The following RAPGEF1 variants were observed in gnomAD, a reference collection of about 807,000 sequenced individuals.
RAPGEF1 encodes the protein CRK SH3-binding GNRP.
Under a neutral mutation model 143.3 loss-of-function variants are expected in RAPGEF1, and 33 were observed. That is an observed-to-expected ratio of 0.23 (90% confidence interval 0.17 to 0.31). The LOEUF (loss-of-function observed/expected upper bound fraction) is 0.31. Among genes scored for constraint, RAPGEF1 ranks in the 10% least tolerant of loss-of-function variants. RAPGEF1 has a pLI of 1.00. For missense variants in RAPGEF1, 1,199 were observed against 1,645.4 expected (o/e 0.73, Z 4.69); for synonymous variants, 629 against 676.5 (o/e 0.93, Z 1.09).
At chr9:131,737,052 G>A (rs1002159798) in intron 1 of RAPGEF1, among the ~76,000 whole-genome samples, 1 of 152,112 alleles carries the variant, frequency 6.6e-6, no homozygotes, top group African/African-American at 2.4e-5. Context: ...CTCCAGGCGC[G>A]CCCCAGTCTT....
At position 131,650,290 on chromosome 9, in the gene RAPGEF1, T is replaced by G. The variant is rs1380828229; in HGVS notation, c.202-48A>C. The G allele has an allele frequency of 2.7e-6, 4 of 1,455,772 alleles. No homozygotes were observed. The African/African-American group carries it at 5.6e-5, about 20-fold the overall frequency. The allele number at this position is 1,455,772 out of a possible 1,614,324, so 90.2% of individuals were successfully genotyped here. A position where few individuals can be genotyped will look rare whatever the true frequency, so the allele number is the denominator to read the frequency against. ...TCCTACAGAGTTTGAAATGGCTGTT[T>G]GAGGCCGAAGGGAGGGGTTGATGAA... On this transcript the variant is annotated intron_variant, in intron 2 of 26. Coordinates refer to ENST00000683357, the MANE Select transcript of RAPGEF1 (RefSeq NM_001377935.1). This position sits in a 1 kb window ranked among gnomAD's most constrained non-coding sequence, Gnocchi z 4.7.
At chr9:131,648,859 C>T (rs1421107816) in intron 3 of RAPGEF1, among the ~76,000 whole-genome samples, 2 of 152,126 alleles carry the variant, frequency 1.3e-5, no homozygotes, top group African/African-American at 4.8e-5. Context: ...AATAGATGAA[C>T]TGCAAAATTC....
At chr9:131,644,582 A>G (rs1969032023) in intron 3 of RAPGEF1, among the ~76,000 whole-genome samples, 1 of 152,198 alleles carries the variant, frequency 6.6e-6, no homozygotes, top group Non-Finnish European at 1.5e-5. Context: ...TTTCTAGAAA[A>G]AGGTGATTTA....
At chr9:131,677,667 T>C (rs1293585969) in intron 1 of RAPGEF1, among the ~76,000 whole-genome samples, 1 of 152,164 alleles carries the variant, frequency 6.6e-6, no homozygotes, top group Non-Finnish European at 1.5e-5. Flanking sequence ...TACCATAATA[T>C]TAAAAACAGG....
intron 1 of RAPGEF1, among the ~76,000 whole-genome samples, chr9:131,677,499 A>G (rs1269616883): frequency 1.3e-5 from 2 of 152,230 alleles, no homozygotes; most frequent in African/African-American, 4.8e-5. Context: ...AGTGACTCAC[A>G]GTGCTCACGG....
chr9:131,617,755 A>T (rs1959217830), intron 12 of RAPGEF1, among the ~76,000 whole-genome samples: 1 of 152,198 alleles, frequency 6.6e-6, no homozygotes, highest in Admixed American at 6.5e-5. Context: ...GGCAAGTAAA[A>T]TCCAGTCCCA....
At chr9:131,710,060 C>CT in intron 1 of RAPGEF1, 29 of 583,796 alleles carry the variant, frequency 5.0e-5, no homozygotes, top group South Asian at 7.6e-5. Flanking sequence ...CACTTTTCTC[C>CT]GCAGGAGAAA....
At chr9:131,642,834 G>C (rs112967945) in intron 4 of RAPGEF1, among the ~76,000 whole-genome samples, 2 of 152,270 alleles carry the variant, frequency 1.3e-5, no homozygotes, top group African/African-American at 4.8e-5. Flanking sequence ...CTTCAGTCTG[G>C]GCCTCTGGCG....
chr9:131,683,623 C>T (rs1374793582), intron 1 of RAPGEF1, among the ~76,000 whole-genome samples: 1 of 152,224 alleles, frequency 6.6e-6, no homozygotes, highest in Non-Finnish European at 1.5e-5. Context: ...CAGTAAACAA[C>T]CTGCAGCCTG....
At chr9:131,701,561 T>C (rs1156419103) in intron 1 of RAPGEF1, among the ~76,000 whole-genome samples, 1 of 152,260 alleles carries the variant, frequency 6.6e-6, no homozygotes, top group Admixed American at 6.5e-5. Flanking sequence ...ATGTTATTAT[T>C]GTATCATTGT....
chr9:131,666,879 C>T (rs935753285), intron 1 of RAPGEF1, among the ~76,000 whole-genome samples: 2 of 152,226 alleles, frequency 1.3e-5, no homozygotes, highest in African/African-American at 4.8e-5. Context: ...GGGCCCTCAC[C>T]TCCTGTGATG....
intron 1 of RAPGEF1, among the ~76,000 whole-genome samples, chr9:131,652,039 G>T (rs576572342): frequency 6.6e-6 from 1 of 152,170 alleles, no homozygotes; most frequent in Non-Finnish European, 1.5e-5. Flanking sequence ...GCACTATCAC[G>T]AATGGAGGCT....
At chr9:131,736,766 A>T (rs13302530) in intron 1 of RAPGEF1, among the ~76,000 whole-genome samples, 6 of 152,082 alleles carry the variant, frequency 3.9e-5, no homozygotes, top group African/African-American at 7.2e-5. Flanking sequence ...TTCTACTTTC[A>T]GGGAGAGGAG....
At chr9:131,642,548 T>C (rs1434095777) in intron 4 of RAPGEF1, among the ~76,000 whole-genome samples, 1 of 152,218 alleles carries the variant, frequency 6.6e-6, no homozygotes, top group African/African-American at 2.4e-5. Flanking sequence ...AACACGTGCC[T>C]GCTTGCTTTA....
chr9:131,672,495 G>A (rs1376191635), intron 1 of RAPGEF1, among the ~76,000 whole-genome samples: 1 of 152,170 alleles, frequency 6.6e-6, no homozygotes. Context: ...CTGGGGAAGG[G>A]ACCCAGGACA....
intron 1 of RAPGEF1, among the ~76,000 whole-genome samples, chr9:131,694,186 T>C (rs1833974062): frequency 1.3e-5 from 2 of 152,180 alleles, no homozygotes; most frequent in Non-Finnish European, 2.9e-5. Context: ...AGCTCTGATC[T>C]TTCATAGTAT....
At position 131,733,077 on chromosome 9, in the gene RAPGEF1, C is replaced by T. The variant is rs967392382; in HGVS notation, c.61+6693G>A. Among the ~76,000 whole-genome samples the T allele has an allele frequency of 9.2e-5, 14 of 152,044 alleles. No homozygotes were observed. The East Asian group carries it at 9.6e-4, about 10-fold the overall frequency. On this transcript the variant is annotated intron_variant, in intron 1 of 26. Transcript: ENST00000683357. The stretch of plus-strand genomic sequence containing the variant: ...TTGGTAGAGGCAGCTGTGAGAGCAT[C>T]GAGGAAGTGGGTTTTCACATTGTGT...
chr9:131,588,798 C>T lies in RAPGEF1; in HGVS notation c.3053+3G>A. On this transcript the variant is annotated splice_donor_region_variant and intron_variant, in intron 20 of 26. Transcript: ENST00000683357. The stretch of plus-strand genomic sequence containing the variant: ...GGCAGGGCTGGAGAGGTGGGCTTCT[C>T]ACCTGGCTGCTACCCCCCGGGCTGC... The T allele has an allele frequency of 1.2e-6, 2 of 1,609,726 alleles. No homozygotes were observed. The highest frequency in any genetic ancestry group is 1.7e-6 in the Non-Finnish European group (2 of 1,177,964).
At position 131,582,622 on chromosome 9, in the gene RAPGEF1, C is replaced by A. The variant is rs923694616; in HGVS notation, c.3495G>T (p.Pro1165=). ...CTACTCACAGGTACGGGATGCACGGCGGTTCCACCTCCGAGAGGGCGGCCC... is the reference window on the plus strand; with the variant it reads ...CTACTCACAGGTACGGGATGCACGGAGGTTCCACCTCCGAGAGGGCGGCCC... ...AYRAALSEVE[P]PCIPYLGLIL... Residue 1165 remains proline, a synonymous_variant, in exon 25 of 27, where the codon CCG becomes CCT. Coordinates refer to ENST00000683357, the MANE Select transcript of RAPGEF1 (RefSeq NM_001377935.1). 2 of 1,530,184 alleles carry A rather than the reference C, an allele frequency of 1.3e-6. No individual in the cohort carries two copies. Among genetic ancestry groups the A allele is most frequent in the Non-Finnish European group, 1.7e-6 (2 of 1,149,048 alleles). The allele number at this position is 1,530,184 out of a possible 1,614,324, so 94.8% of individuals were successfully genotyped here. A position where few individuals can be genotyped will look rare whatever the true frequency, so the allele number is the denominator to read the frequency against.
Sources: gnomAD v4.1 joint callset for allele counts (sites outside exome capture counted in the v4.1 genomes callset) on GRCh38, gnomAD v4.1.1 for gene constraint, Gnocchi (gnomAD v3.1) non-coding constraint, MANE v1.5 for transcripts, NCBI Gene and HGNC (gene_info 2026-07-23, HGNC 2026-07-21) for gene names.